The following UGT1A7 variants were observed in gnomAD, a reference collection of about 807,000 sequenced individuals.
The protein encoded by UGT1A7 is UDP glucuronosyltransferase family 1 member A7.
UGT1A7 carries 33 observed loss-of-function variants against 45.6 expected under a neutral mutation model. The ratio of observed to expected loss-of-function variants is 0.72; its 90% confidence interval spans 0.55 to 0.97. The LOEUF (loss-of-function observed/expected upper bound fraction) is 0.97. UGT1A7 is among the 50% of genes least tolerant of loss of function. The pLI is 0.00. For missense variants in UGT1A7, 684 were observed against 666.2 expected (o/e 1.03, Z -0.29); for synonymous variants, 274 against 250.6 (o/e 1.09, Z -0.88).
intron 1 of UGT1A7, chr2:233,721,540 A>T (rs10929293): frequency 0.087 from 14,555 of 166,976 alleles, 833 homozygotes; most frequent in East Asian, 0.2. Context: ...CCATAGGTAA[A>T]TTTTTTCTTC....
chr2:233,765,404 C>T (rs746281443), intron 1 of UGT1A7, among the ~76,000 whole-genome samples: 4 of 152,166 alleles, frequency 2.6e-5, no homozygotes, highest in Non-Finnish European at 2.9e-5. Flanking sequence ...GGTACATATA[C>T]ACCATGGAAT....
At chr2:233,735,449 C>T (rs1176154761) in intron 1 of UGT1A7, among the ~76,000 whole-genome samples, 6 of 152,110 alleles carry the variant, frequency 3.9e-5, no homozygotes, top group Admixed American at 1.3e-4. Flanking sequence ...ACCGATGGGC[C>T]TTGACTCTTT....
chr2:233,682,220 G>A lies in UGT1A7; in HGVS notation c.283G>A (p.Asp95Asn), dbSNP rs761343712. ...DQDREFMVFA[D>N]ARWTAPLRSA... The stretch of plus-strand genomic sequence containing the variant: ...GGACCGGGAGTTCATGGTTTTTGCC[G>A]ATGCTCGCTGGACGGCACCATTGCG... The change falls in exon 1 of 5, where the codon GAT becomes AAT. Residue 95 changes from aspartate (D) to asparagine (N), a missense_variant. By Grantham distance (23) the Asp-to-Asn change is conservative. Transcript: ENST00000373426. The A allele has an allele frequency of 2.6e-5, 42 of 1,614,084 alleles. No homozygotes were observed. The South Asian group carries it at 3.3e-4, about 13-fold the overall frequency.
chr2:233,747,228 C>T (rs1559391943), intron 1 of UGT1A7: 2 of 1,605,178 alleles, frequency 1.2e-6, no homozygotes, highest in East Asian at 2.2e-5. Context: ...CCACAGGACC[C>T]CAGGTTCCCC....
chr2:233,725,192 AGAGGCAGAGGCAGAGGCAGAGGCAGAG>A (rs1559370258), intron 1 of UGT1A7, among the ~76,000 whole-genome samples: 1 of 85,390 alleles, frequency 1.2e-5, no homozygotes, highest in Admixed American at 1.0e-4. Flanking sequence ...AGGCAGAGGC[AGAGGCAGAGGCAGAGGCAGAGGCAGAG>A]GAGGCAGAGG....
intron 1 of UGT1A7, among the ~76,000 whole-genome samples, chr2:233,696,122 C>T (rs1486929400): frequency 2.6e-5 from 4 of 152,170 alleles, no homozygotes; most frequent in Non-Finnish European, 5.9e-5. Flanking sequence ...AGAACTAGAA[C>T]TGCCCCAATA....
chr2:233,696,037 C>T (rs1003324410), intron 1 of UGT1A7, among the ~76,000 whole-genome samples: 55 of 152,230 alleles, frequency 3.6e-4, no homozygotes, highest in African/African-American at 1.3e-3. Flanking sequence ...CCCTAATTTA[C>T]ATTTGAAGAA....
rs184388078 is a variant in UGT1A7 at position 233,743,692 on chromosome 2, G to A, written c.856-23342G>A. ...CGAAGGGCCTGCCGCCTGTGCAGCCGCCCTCCGCCCCCGCCTCGCCATAGC... is the reference window on the plus strand; with the variant it reads ...CGAAGGGCCTGCCGCCTGTGCAGCCACCCTCCGCCCCCGCCTCGCCATAGC... On this transcript the variant is annotated intron_variant, in intron 1 of 4. Coordinates refer to ENST00000373426, the MANE Select transcript of UGT1A7 (RefSeq NM_019077.3). The A allele has an allele frequency of 3.6e-4, 492 of 1,367,218 alleles. 1 individual carries two copies. Among genetic ancestry groups the A allele is most frequent in the Non-Finnish European group, 4.5e-4 (457 of 1,021,852 alleles). 84.7% of individuals were successfully genotyped at this position (1,367,218 alleles called of 1,614,324 possible). A position where few individuals can be genotyped will look rare whatever the true frequency, so the allele number is the denominator to read the frequency against.
chr2:233,712,925 A>G (rs1228772732), intron 1 of UGT1A7: 1 of 1,611,920 alleles, frequency 6.2e-7, no homozygotes, highest in African/African-American at 1.3e-5. Flanking sequence ...GGTAATTAAG[A>G]CGAAGGAAAC....
At chr2:233,734,087 C>A (rs2078476920) in intron 1 of UGT1A7, among the ~76,000 whole-genome samples, 1 of 151,836 alleles carries the variant, frequency 6.6e-6, no homozygotes, top group East Asian at 1.9e-4. Context: ...GCACATGCAC[C>A]CTAAAACTTA....
intron 1 of UGT1A7, among the ~76,000 whole-genome samples, chr2:233,731,284 C>CTTTTTTTTTTTTT (rs78127606): frequency 7.2e-6 from 1 of 139,766 alleles, no homozygotes. Context: ...GTTTTTCTTT[C>CTTTTTTTTTTTTT]TTTTTTTTTT....
Position 233,773,040 on chromosome 2 carries a change from C to T in UGT1A7, c.*481C>T, listed in dbSNP as rs1347868003. On this transcript the variant is annotated 3_prime_UTR_variant, in exon 5 of 5. Coordinates refer to ENST00000373426, the MANE Select transcript of UGT1A7 (RefSeq NM_019077.3). ...ACCTTGTGTGTTTAAAGAAGGGAAGCTTTGTACCTTTAGAGTGTAGGTGAA... is the reference window on the plus strand; with the variant it reads ...ACCTTGTGTGTTTAAAGAAGGGAAGTTTTGTACCTTTAGAGTGTAGGTGAA... The T allele has an allele frequency of 5.1e-6, 1 of 194,624 alleles. No individual in the cohort carries two copies. Among genetic ancestry groups the T allele is most frequent in the Non-Finnish European group, 1.1e-5 (1 of 93,038 alleles). 12.1% of individuals were successfully genotyped at this position (194,624 alleles called of 1,614,324 possible).
At chr2:233,728,864 C>G (rs2077757785) in intron 1 of UGT1A7, among the ~76,000 whole-genome samples, 1 of 152,164 alleles carries the variant, frequency 6.6e-6, no homozygotes, top group African/African-American at 2.4e-5. Flanking sequence ...GAAACAAGAG[C>G]TTGAACTTGG....
intron 1 of UGT1A7, among the ~76,000 whole-genome samples, chr2:233,730,802 A>T (rs1344398093): frequency 1.3e-5 from 2 of 152,196 alleles, no homozygotes; most frequent in Non-Finnish European, 2.9e-5. Flanking sequence ...ATGAATGGAC[A>T]TGCGTCCAAG....
intron 1 of UGT1A7, among the ~76,000 whole-genome samples, chr2:233,702,130 C>T (rs1460341129): frequency 2.0e-5 from 3 of 152,142 alleles, no homozygotes; most frequent in South Asian, 2.1e-4. Context: ...CATTTTCAGT[C>T]ACTCCCAAAG....
intron 1 of UGT1A7, chr2:233,691,404 T>C: frequency 1.0e-6 from 1 of 985,574 alleles, no homozygotes; most frequent in Non-Finnish European, 1.2e-6. Context: ...AGCCCTGTCC[T>C]TGGAGTGGCC....
chr2:233,721,978 G>A (rs543425926), intron 1 of UGT1A7: 60 of 269,454 alleles, frequency 2.2e-4, no homozygotes, highest in South Asian at 1.8e-3. Context: ...GATGGCCTGG[G>A]TAGTTTCACG....
chr2:233,690,761 AC>A (rs1559344505), intron 1 of UGT1A7: 32 of 731,228 alleles, frequency 4.4e-5, no homozygotes, highest in Middle Eastern at 5.8e-4. Context: ...GTGCAGACAT[AC>A]ACACACACAC....
At chr2:233,713,929 A>C in intron 1 of UGT1A7, 1 of 1,611,962 alleles carries the variant, frequency 6.2e-7, no homozygotes, top group African/African-American at 1.3e-5. Flanking sequence ...TTTACTTACA[A>C]GTGCTTCCAT....
Sources: allele counts gnomAD v4.1 joint callset (sites outside exome capture counted in the v4.1 genomes callset), GRCh38; gene constraint gnomAD v4.1.1; transcripts MANE v1.5; gene names NCBI Gene and HGNC (gene_info 2026-07-23, HGNC 2026-07-21).